Variants in TMPRSS11F observed in about 807,000 individuals in gnomAD.
TMPRSS11F encodes transmembrane serine protease 11F, also known as transmembrane protease serine 11F.
A neutral mutation model predicts 60.2 loss-of-function variants in TMPRSS11F; 47 were observed. The observed-to-expected ratio is 0.78, with a 90% CI of 0.62 to 1.00. TMPRSS11F has a LOEUF of 1.00. TMPRSS11F is among the 50% of genes least tolerant of loss of function. TMPRSS11F has a pLI of 0.00. For missense variants in TMPRSS11F, 519 were observed against 522.9 expected (o/e 0.99, Z 0.07); for synonymous variants, 166 against 167.3 (o/e 0.99, Z 0.06).
At chr4:68,116,560 T>C (rs1724523685) in intron 1 of TMPRSS11F, among the ~76,000 whole-genome samples, 1 of 152,036 alleles carries the variant, frequency 6.6e-6, no homozygotes, top group Non-Finnish European at 1.5e-5. Context: ...AGAACAACAA[T>C]GCTAGAGGTA....
At chr4:68,129,725 C>G in intron 1 of TMPRSS11F, 85 bp downstream of exon 1, 1 of 1,233,904 alleles carries the variant, frequency 8.1e-7, no homozygotes, top group South Asian at 1.3e-5. Context: ...CAATCTCCAC[C>G]AGCCAACATC....
chr4:68,063,543 AT>A (rs1163795089), intron 8 of TMPRSS11F, among the ~76,000 whole-genome samples: 4 of 150,854 alleles, frequency 2.7e-5, no homozygotes, highest in Admixed American at 2.0e-4. Flanking sequence ...TGCCCTGTTA[AT>A]TTTTTTTTGT....
At chr4:68,108,795 T>G (rs1467060878) in intron 1 of TMPRSS11F, among the ~76,000 whole-genome samples, 1 of 152,206 alleles carries the variant, frequency 6.6e-6, no homozygotes, top group African/African-American at 2.4e-5. Context: ...AGTTAGTCTT[T>G]GATAAAGGGA....
chr4:68,085,934 A>G (rs1055853282), intron 3 of TMPRSS11F, among the ~76,000 whole-genome samples: 1 of 152,174 alleles, frequency 6.6e-6, no homozygotes, highest in African/African-American at 2.4e-5. Context: ...ATGGTGGGAA[A>G]CATCAACAGT....
chr4:68,086,720 G>T (rs921949701), intron 3 of TMPRSS11F, among the ~76,000 whole-genome samples: 1 of 151,984 alleles, frequency 6.6e-6, no homozygotes, highest in Non-Finnish European at 1.5e-5. Context: ...CAATCCCACA[G>T]AAATACTCAG....
At chr4:68,099,661 G>C (rs1318380972) in intron 1 of TMPRSS11F, among the ~76,000 whole-genome samples, 1 of 152,008 alleles carries the variant, frequency 6.6e-6, no homozygotes, top group Non-Finnish European at 1.5e-5. Context: ...TCAATATTGT[G>C]ATATCTTTCA....
At position 68,125,046 on chromosome 4, in the gene TMPRSS11F, A is replaced by G. The variant is rs80236887; in HGVS notation, c.11+4764T>C. Among the ~76,000 whole-genome samples the G allele has an allele frequency of 5.4e-3, 790 of 145,008 alleles. 4 individuals carry two copies. Among genetic ancestry groups the G allele is most frequent in the Middle Eastern group, 0.026 (7 of 268 alleles). On this transcript the variant is annotated intron_variant, in intron 1 of 9. Transcript: ENST00000356291. ...TTGGGAATGCTGCATTGGTCATTCCATATATTATATTCTACAAAAAATAAA... is the reference window on the plus strand; with the variant it reads ...TTGGGAATGCTGCATTGGTCATTCCGTATATTATATTCTACAAAAAATAAA...
At chr4:68,095,480 C>G (rs1252304226) in intron 2 of TMPRSS11F, among the ~76,000 whole-genome samples, 1 of 152,068 alleles carries the variant, frequency 6.6e-6, no homozygotes, top group Non-Finnish European at 1.5e-5. Context: ...ATGCTATATC[C>G]TACACCAAAT....
At chr4:68,125,058 C>A (rs1249087267) in intron 1 of TMPRSS11F, among the ~76,000 whole-genome samples, 2 of 139,436 alleles carry the variant, frequency 1.4e-5, no homozygotes, top group African/African-American at 5.3e-5. Context: ...ATATTATATT[C>A]TACAAAAAAT....
rs372610698 is a variant in TMPRSS11F at position 68,116,673 on chromosome 4, G to A, written c.11+13137C>T. 3.0e-3 allele frequency among the ~76,000 whole-genome samples: 456 copies of A among 152,104 alleles called. 1 individual carries two copies. Among genetic ancestry groups the A allele is most frequent in the Middle Eastern group, 0.02 (6 of 294 alleles). On this transcript the variant is annotated intron_variant, in intron 1 of 9. Transcript: ENST00000356291. ...ATAGACCAATGCAACAGAAGAGAGA[G>A]CCCAGAAATAAACTCATGCATCTAT...
chr4:68,125,007 T>G (rs1450712679), intron 1 of TMPRSS11F, among the ~76,000 whole-genome samples: 2 of 149,516 alleles, frequency 1.3e-5, no homozygotes, highest in African/African-American at 2.4e-5. Context: ...ATGCTTAGTT[T>G]TGAGAATCAT....
chr4:68,105,487 T>G (rs1724287383), intron 1 of TMPRSS11F, among the ~76,000 whole-genome samples: 1 of 152,180 alleles, frequency 6.6e-6, no homozygotes, highest in African/African-American at 2.4e-5. Flanking sequence ...AATTCTGTAC[T>G]TCGATCTCCT....
chr4:68,101,654 G>A (rs1053037267), intron 1 of TMPRSS11F, among the ~76,000 whole-genome samples: 2 of 151,960 alleles, frequency 1.3e-5, no homozygotes, highest in Non-Finnish European at 2.9e-5. Flanking sequence ...ATTTAAACCC[G>A]AATGAGTTGG....
At chr4:68,118,690 TA>T (rs767755213) in intron 1 of TMPRSS11F, among the ~76,000 whole-genome samples, 17 of 152,174 alleles carry the variant, frequency 1.1e-4, no homozygotes, top group Non-Finnish European at 1.2e-4. Context: ...GTTTATAGGC[TA>T]GGGGGAAATA....
intron 1 of TMPRSS11F, among the ~76,000 whole-genome samples, chr4:68,121,298 G>A (rs1413972076): frequency 6.6e-6 from 1 of 152,130 alleles, no homozygotes; most frequent in East Asian, 1.9e-4. Flanking sequence ...ACTTGTGACT[G>A]AGTATGCGAA....
intron 8 of TMPRSS11F, chr4:68,062,164 G>C (rs1473830969): frequency 2.4e-6 from 1 of 416,490 alleles, no homozygotes; most frequent in African/African-American, 2.1e-5. Flanking sequence ...AATATGTAGA[G>C]TGATATTAAA....
chr4:68,098,435 C>T (rs529895018), intron 2 of TMPRSS11F, among the ~76,000 whole-genome samples: 1 of 152,238 alleles, frequency 6.6e-6, no homozygotes, highest in African/African-American at 2.4e-5. Context: ...TGAGCTTTTC[C>T]TTCTTCCCAC....
intron 3 of TMPRSS11F, chr4:68,081,058 A>G (rs150980345): frequency 1.3e-5 from 2 of 152,352 alleles, no homozygotes; most frequent in East Asian, 3.9e-4. Context: ...GAATGAAAAA[A>G]GAAATATTTT....
intron 3 of TMPRSS11F, among the ~76,000 whole-genome samples, chr4:68,084,899 C>A (rs1446489754): frequency 1.5e-4 from 20 of 130,308 alleles, no homozygotes; most frequent in Non-Finnish European, 2.3e-4. Context: ...CCCACCCCAC[C>A]ACAGTCCCCA....
Sources: allele counts gnomAD v4.1 joint callset (sites outside exome capture counted in the v4.1 genomes callset), GRCh38; gene constraint gnomAD v4.1.1; transcripts MANE v1.5; gene names NCBI Gene and HGNC (gene_info 2026-07-23, HGNC 2026-07-21).